The following GRK3 variants were observed in gnomAD, a reference collection of about 807,000 sequenced individuals.
The protein encoded by GRK3 is G protein-coupled receptor kinase 3.
GRK3 carries 54 observed loss-of-function variants against 95.7 expected under a neutral mutation model. That is an observed-to-expected ratio of 0.56 (90% confidence interval 0.45 to 0.71). The LOEUF (loss-of-function observed/expected upper bound fraction) is 0.71, where lower values mean the gene tolerates loss of function less well. Ranked by LOEUF, GRK3 falls within the 30% of genes least tolerant of loss-of-function variation. GRK3 has a pLI of 0.00. For missense variants in GRK3, 649 were observed against 851.2 expected, an observed-to-expected ratio of 0.76 and a Z score of 2.96; for synonymous variants, 281 against 290.8, an observed-to-expected ratio of 0.97 and a Z score of 0.34.
chr22:25,671,137 A>C (rs2084978750), intron 6 of GRK3, among the ~76,000 whole-genome samples: 2 of 151,784 alleles, frequency 1.3e-5, no homozygotes, highest in South Asian at 4.2e-4. Context: ...GCGGATCACA[A>C]GGTCAGGAGA....
chr22:25,704,321 G>A (rs1035594043), intron 15 of GRK3, 112 bp downstream of exon 15: 5 of 706,192 alleles, frequency 7.1e-6, no homozygotes, highest in Non-Finnish European at 1.2e-5. Context: ...ATTTTGACTT[G>A]AAAGGGGAAA....
In GRK3 at chr22:25,685,162, C is replaced by G; in HGVS notation, c.748-8C>G. 6.3e-7 allele frequency: 1 copy of G among 1,598,408 alleles called. No homozygotes were observed. Among genetic ancestry groups the G allele is most frequent in the African/African-American group, 1.3e-5 (1 of 74,658 alleles). ...CTCTTCTTATAAACTTTTATTGTTTCACTCTAGGACTGTCCTTTCATTGTA... is the reference window on the plus strand; with the variant it reads ...CTCTTCTTATAAACTTTTATTGTTTGACTCTAGGACTGTCCTTTCATTGTA... On this transcript the variant is annotated splice_region_variant and splice_polypyrimidine_tract_variant and intron_variant, in intron 9 of 20. Coordinates refer to ENST00000324198, the MANE Select transcript of GRK3 (RefSeq NM_005160.4).
intron 1 of GRK3, among the ~76,000 whole-genome samples, chr22:25,569,282 T>G (rs923314323): frequency 3.3e-5 from 5 of 152,260 alleles, no homozygotes; most frequent in Non-Finnish European, 7.3e-5. Flanking sequence ...AAATGTAATT[T>G]GTTCTGACCT....
intron 2 of GRK3, 118 bp from the exon 3 acceptor site, chr22:25,644,473 TA>T (rs550989819): frequency 0.013 from 4,998 of 398,246 alleles, 11 homozygotes; most frequent in Admixed American, 0.016. Flanking sequence ...ATCTTTTTTT[TA>T]AAAAAAAAAG....
chr22:25,605,058 A>G (rs1182389866), intron 2 of GRK3, among the ~76,000 whole-genome samples: 1 of 152,252 alleles, frequency 6.6e-6, no homozygotes, highest in Non-Finnish European at 1.5e-5. Flanking sequence ...CCAGTAAATA[A>G]TAAAATAGTT....
rs150424454 is a variant in GRK3 at position 25,630,125 on chromosome 22, A to C, written c.191-14467A>C. Among the ~76,000 whole-genome samples the C allele has an allele frequency of 5.3e-5, 8 of 152,340 alleles. No individual in the cohort carries two copies. The South Asian group carries it at 1.0e-3, about 20-fold the overall frequency. On this transcript the variant is annotated intron_variant, in intron 2 of 20. Coordinates refer to ENST00000324198, the MANE Select transcript of GRK3 (RefSeq NM_005160.4). Reference sequence around the variant, plus strand: ...GAAATCATGAGTTCATAGCCACATGAATTATCACAAAGCAAACTCATGTGT... The same window carrying C: ...GAAATCATGAGTTCATAGCCACATGCATTATCACAAAGCAAACTCATGTGT...
chr22:25,685,334 C>A, intron 10 of GRK3, 86 bp downstream of exon 10: 1 of 1,005,296 alleles, frequency 9.9e-7, no homozygotes, highest in Non-Finnish European at 1.6e-6. Context: ...GGCAGACTGG[C>A]AATGTGGGTC....
At chr22:25,597,835 A>G (rs1228365071) in intron 1 of GRK3, among the ~76,000 whole-genome samples, 1 of 152,082 alleles carries the variant, frequency 6.6e-6, no homozygotes, top group African/African-American at 2.4e-5. Flanking sequence ...CTGAGAGAAA[A>G]CAAAACAAAC....
At chr22:25,690,154 G>A (rs777704699) in intron 11 of GRK3, 35 bp from the exon 12 acceptor site, 19 of 1,529,422 alleles carry the variant, frequency 1.2e-5, no homozygotes, top group Non-Finnish European at 1.7e-5. Context: ...GGCATTTGGG[G>A]CACTCTTATT....
chr22:25,687,480 G>A (rs928172103), intron 10 of GRK3, 57 bp from the exon 11 acceptor site: 2 of 1,585,348 alleles, frequency 1.3e-6, no homozygotes, highest in African/African-American at 2.7e-5. Flanking sequence ...GGATGACAAT[G>A]ATATTTGTTT....
At chr22:25,570,481 A>G (rs539319225) in intron 1 of GRK3, among the ~76,000 whole-genome samples, 1 of 152,308 alleles carries the variant, frequency 6.6e-6, no homozygotes, top group South Asian at 2.1e-4. Flanking sequence ...TTTTGGCTTT[A>G]TTTGCAATAA....
At chr22:25,611,562 C>T (rs1171859103) in intron 2 of GRK3, among the ~76,000 whole-genome samples, 1 of 152,120 alleles carries the variant, frequency 6.6e-6, no homozygotes, top group South Asian at 2.1e-4. Flanking sequence ...TGTGATTCTC[C>T]AGTAGTTAAT....
chr22:25,682,689 A>T (rs2146427782), intron 9 of GRK3, among the ~76,000 whole-genome samples: 1 of 152,352 alleles, frequency 6.6e-6, no homozygotes, highest in East Asian at 1.9e-4. Flanking sequence ...AGTGGATTTC[A>T]TAGATAAAAT....
chr22:25,681,604 C>T (rs1253754644), intron 9 of GRK3, among the ~76,000 whole-genome samples: 1 of 152,188 alleles, frequency 6.6e-6, no homozygotes, highest in Non-Finnish European at 1.5e-5. Context: ...GATCTGACTG[C>T]AGTTAGAAAC....
intron 2 of GRK3, among the ~76,000 whole-genome samples, chr22:25,635,234 A>G (rs1319719468): frequency 1.3e-5 from 2 of 152,056 alleles, no homozygotes; most frequent in Non-Finnish European, 2.9e-5. Flanking sequence ...GTTTGCATAC[A>G]TTTTGCCTCA....
At chr22:25,662,363 A>G (rs1305441383) in intron 4 of GRK3, among the ~76,000 whole-genome samples, 5 of 152,234 alleles carry the variant, frequency 3.3e-5, no homozygotes, top group Non-Finnish European at 7.3e-5. Flanking sequence ...CTAAAGTCAA[A>G]TGGGAGTAAA....
At chr22:25,689,326 G>A (rs977427478) in intron 11 of GRK3, among the ~76,000 whole-genome samples, 3 of 151,970 alleles carry the variant, frequency 2.0e-5, no homozygotes, top group African/African-American at 7.3e-5. Flanking sequence ...ATCAGTAACT[G>A]GTTTCTAATC....
chr22:25,620,186 A>G (rs2084573662), intron 2 of GRK3, among the ~76,000 whole-genome samples: 1 of 152,124 alleles, frequency 6.6e-6, no homozygotes, highest in Admixed American at 6.5e-5. Flanking sequence ...GAAACCAGCC[A>G]GGTGTATATA....
rs534013628 is a variant in GRK3, at chr22:25,644,351, C to T, written c.191-241C>T. Among the ~76,000 whole-genome samples, 5 of 148,830 alleles carry T rather than the reference C, an allele frequency of 3.4e-5. No homozygotes were observed. The East Asian group carries it at 5.9e-4, about 18-fold the overall frequency. On this transcript the variant is annotated intron_variant, in intron 2 of 20. Transcript: ENST00000324198. Reference sequence around the variant, plus strand: ...TCATACTTTTGTGGAAAGTGGGGGGCGGGGGTGAACATGAATAGAGAAGGA... The same window carrying T: ...TCATACTTTTGTGGAAAGTGGGGGGTGGGGGTGAACATGAATAGAGAAGGA...
Sources: gnomAD v4.1 joint callset for allele counts (sites outside exome capture counted in the v4.1 genomes callset) on GRCh38, gnomAD v4.1.1 for gene constraint, MANE v1.5 for transcripts, NCBI Gene and HGNC (gene_info 2026-07-23, HGNC 2026-07-21) for gene names.